Variants in CACNG2 observed in about 807,000 individuals in gnomAD.
CACNG2 encodes voltage-dependent calcium channel gamma-2 subunit.
CACNG2 carries 3 observed loss-of-function variants against 25.9 expected under a neutral mutation model. The observed-to-expected ratio is 0.12, with a 90% confidence interval of 0.05 to 0.30. CACNG2 has a LOEUF of 0.30. Among genes scored for constraint, CACNG2 ranks in the 10% least tolerant of loss-of-function variants. CACNG2 has a pLI of 1.00. For missense variants in CACNG2, 341 were observed against 432.5 expected (o/e 0.79, Z 1.88); for synonymous variants, 167 against 173.3 (o/e 0.96, Z 0.29).
At chr22:36,651,828 A>G (rs1936620730) in intron 1 of CACNG2, among the ~76,000 whole-genome samples, 1 of 151,698 alleles carries the variant, frequency 6.6e-6, no homozygotes, top group Non-Finnish European at 1.5e-5. Context: ...ACACTTACCA[A>G]CCTCTCCTGG....
chr22:36,587,922 T>C (rs1004497008), intron 1 of CACNG2, among the ~76,000 whole-genome samples: 5 of 152,246 alleles, frequency 3.3e-5, no homozygotes, highest in Non-Finnish European at 5.9e-5. Flanking sequence ...GGAGTCATCC[T>C]GCATTTTACA....
chr22:36,582,406 C>CTTTT (rs750246907), intron 2 of CACNG2, among the ~76,000 whole-genome samples: 4 of 96,726 alleles, frequency 4.1e-5, no homozygotes, highest in Admixed American at 1.3e-4. Context: ...CTCTTTCTTT[C>CTTTT]TTTCTTTTTT....
Position 36,631,326 on chromosome 22 carries a change from G to A in CACNG2, c.212-43778C>T, listed in dbSNP as rs142147831. ...TGGACTCAGATGTAGGAGATGTGGTGTGTCACTTCCCTGGGGTGCATGTGA... is the reference window on the plus strand; with the variant it reads ...TGGACTCAGATGTAGGAGATGTGGTATGTCACTTCCCTGGGGTGCATGTGA... On this transcript the variant is annotated intron_variant, in intron 1 of 3. Transcript: ENST00000300105. 4.6e-5 allele frequency among the ~76,000 whole-genome samples: 7 copies of A among 152,232 alleles called. No homozygotes were observed. In the East Asian group the frequency reaches 1.4e-3, roughly 29 times the overall value.
At chr22:36,686,713 C>T (rs1026820024) in intron 1 of CACNG2, among the ~76,000 whole-genome samples, 7 of 152,200 alleles carry the variant, frequency 4.6e-5, no homozygotes, top group Non-Finnish European at 5.9e-5. Context: ...GCCTGGGACC[C>T]GGGCACAGGG....
At chr22:36,676,244 G>C (rs982148101) in intron 1 of CACNG2, among the ~76,000 whole-genome samples, 8 of 152,184 alleles carry the variant, frequency 5.3e-5, no homozygotes, top group Non-Finnish European at 1.0e-4. Flanking sequence ...CGTGTACTTT[G>C]CACTTTGACC....
Position 36,703,355 on chromosome 22 carries a change from G to A in CACNG2, c.-779C>T, listed in dbSNP as rs1039113433. On this transcript the variant is annotated 5_prime_UTR_variant, in exon 1 of 4. Transcript: ENST00000300105. ...GTGGCGGGGGTAGTGTTGGCGAAGT[G>A]GGGGAGAGAGGGGGTTTCTCCTGGA... 1 of 153,096 alleles carries A rather than the reference G, an allele frequency of 6.5e-6. No homozygotes were observed. Among genetic ancestry groups the A allele is most frequent in the Middle Eastern group, 3.1e-3 (1 of 322 alleles). 9.5% of individuals were successfully genotyped at this position (153,096 alleles called of 1,614,324 possible).
intron 1 of CACNG2, among the ~76,000 whole-genome samples, chr22:36,697,441 G>T (rs1158482561): frequency 6.6e-6 from 1 of 152,228 alleles, no homozygotes; most frequent in African/African-American, 2.4e-5. Context: ...GAGGCTTGCA[G>T]AGGGCACATG....
intron 1 of CACNG2, among the ~76,000 whole-genome samples, chr22:36,618,181 GGGACCAACCTCCCCTTTCTTCCCAAGA>G (rs1936050191): frequency 6.6e-6 from 1 of 152,166 alleles, no homozygotes; most frequent in South Asian, 2.1e-4. Flanking sequence ...GGGTTTTGGT[GGGACCAACCTCCCCTTTCTTCCCAAGA>G]GGAACTTGCC....
At chr22:36,667,377 C>T (rs1936889573) in intron 1 of CACNG2, among the ~76,000 whole-genome samples, 1 of 152,152 alleles carries the variant, frequency 6.6e-6, no homozygotes, top group African/African-American at 2.4e-5. Context: ...GGCCCTAACC[C>T]CTCTTGATTT....
intron 2 of CACNG2, among the ~76,000 whole-genome samples, chr22:36,578,900 C>T (rs552509859): frequency 6.6e-6 from 1 of 152,086 alleles, no homozygotes; most frequent in Non-Finnish European, 1.5e-5. Flanking sequence ...GTGGTGTCCT[C>T]AAGCTGTTCA....
chr22:36,648,931 C>A (rs1248766750), intron 1 of CACNG2, among the ~76,000 whole-genome samples: 1 of 152,198 alleles, frequency 6.6e-6, no homozygotes, highest in Non-Finnish European at 1.5e-5. Flanking sequence ...CCATCCTTCC[C>A]TCAATGGTCA....
intron 1 of CACNG2, among the ~76,000 whole-genome samples, chr22:36,632,469 CCTCTCTCTCTCTCT>C (rs131827): frequency 6.9e-6 from 1 of 145,628 alleles, no homozygotes; most frequent in African/African-American, 2.5e-5. Context: ...TCTCTCCTCT[CCTCTCTCTCTCTCT>C]CTCTCTCTCT....
Position 36,632,185 on chromosome 22 carries a change from TA to T in CACNG2, c.212-44638del, listed in dbSNP as rs912514361. On this transcript the variant is annotated intron_variant, in intron 1 of 3. Coordinates refer to ENST00000300105, the MANE Select transcript of CACNG2 (RefSeq NM_006078.5). The stretch of plus-strand genomic sequence containing the variant: ...TGACCTATTTTCTGACTTTTTTTTT[TA>T]AAAAAATGAGAATCCATTTTATGTC... Among the ~76,000 whole-genome samples the T allele has an allele frequency of 2.8e-3, 417 of 150,026 alleles. 3 individuals are homozygous for T. Among genetic ancestry groups the T allele is most frequent in the African/African-American group, 9.5e-3 (383 of 40,288 alleles).
At chr22:36,652,301 T>C (rs926885942) in intron 1 of CACNG2, among the ~76,000 whole-genome samples, 5 of 152,022 alleles carry the variant, frequency 3.3e-5, no homozygotes, top group South Asian at 2.1e-4. Flanking sequence ...TCCCCCGCCA[T>C]TCCCCACTGC....
intron 1 of CACNG2, among the ~76,000 whole-genome samples, chr22:36,666,075 C>T (rs747468485): frequency 8.5e-5 from 13 of 152,162 alleles, no homozygotes; most frequent in Non-Finnish European, 1.8e-4. Flanking sequence ...ATGGATGAAA[C>T]TTGAGGACAT....
intron 1 of CACNG2, among the ~76,000 whole-genome samples, chr22:36,670,509 T>A (rs917256147): frequency 1.3e-5 from 2 of 152,232 alleles, no homozygotes; most frequent in Non-Finnish European, 1.5e-5. Context: ...ATTGAGCTTT[T>A]GTGGTAGGCT....
chr22:36,578,914 TC>T (rs1363671431), intron 2 of CACNG2, among the ~76,000 whole-genome samples: 1 of 151,656 alleles, frequency 6.6e-6, no homozygotes, highest in African/African-American at 2.4e-5. Flanking sequence ...CTGTTCACAG[TC>T]CGTGGGGAGA....
rs748431364 is a variant in CACNG2, at chr22:36,564,636, G to A, written c.687C>T (p.Tyr229=). 1 of 1,613,946 alleles carries A rather than the reference G, an allele frequency of 6.2e-7. No individual in the cohort carries two copies. Among genetic ancestry groups the A allele is most frequent in the South Asian group, 1.1e-5 (1 of 91,082 alleles). The part of the protein sequence containing the change: ...QASAITRIPS[Y]RYRYQRRSRS... The stretch of plus-strand genomic sequence containing the variant: ...GGCTGCGGCGCTGGTAGCGGTAGCG[G>A]TAGCTGGGGATGCGGGTGATGGCAG... Residue 229 remains tyrosine (Y), a synonymous_variant, in exon 4 of 4, where the codon TAC becomes TAT. Transcript: ENST00000300105. This position sits in a 1 kb window ranked among gnomAD's most constrained non-coding sequence, Gnocchi z 6.7.
At chr22:36,630,156 T>C (rs1936246643) in intron 1 of CACNG2, among the ~76,000 whole-genome samples, 3 of 152,134 alleles carry the variant, frequency 2.0e-5, no homozygotes, top group Non-Finnish European at 2.9e-5. Flanking sequence ...CCAGATGATG[T>C]AGCACTGTGG....
Sources: allele counts gnomAD v4.1 joint callset (sites outside exome capture counted in the v4.1 genomes callset), GRCh38; gene constraint gnomAD v4.1.1; non-coding constraint Gnocchi (gnomAD v3.1); transcripts MANE v1.5; gene names NCBI Gene and HGNC (gene_info 2026-07-23, HGNC 2026-07-21).